ZNF619: variants seen among roughly 807,000 people sequenced by gnomAD.
ZNF619 encodes zinc finger protein 619.
Under a neutral mutation model 14.2 loss-of-function variants are expected in ZNF619, and 9 were observed. That is an observed-to-expected ratio of 0.64 (90% CI 0.38 to 1.11). The LOEUF (loss-of-function observed/expected upper bound fraction) is 1.11, where lower values mean the gene tolerates loss of function less well. Ranked by LOEUF, ZNF619 falls within the 50% of genes least tolerant of loss-of-function variation. ZNF619 has a pLI of 0.01. For synonymous variants in ZNF619, 246 were observed against 252.8 expected (o/e 0.97, Z 0.26); for missense variants, 659 against 680.1 (o/e 0.97, Z 0.34).
chr3:40,486,783 A>G (rs1697593258), intron 4 of ZNF619, 23 bp from the exon 5 acceptor site: 1 of 1,540,548 alleles, frequency 6.5e-7, no homozygotes, highest in Non-Finnish European at 8.7e-7. Flanking sequence ...AGGGACTTTT[A>G]TGTTTTCTTT....
chr3:40,477,878 G>A, intron 1 of ZNF619, 40 bp from the exon 2 acceptor site: 1 of 1,146,658 alleles, frequency 8.7e-7, no homozygotes, highest in African/African-American at 1.5e-5. Flanking sequence ...GGCAAGTGTA[G>A]GAGACGAGAC....
Position 40,482,651 on chromosome 3 carries a change from G to A in ZNF619, c.242G>A (p.Gly81Asp). 6.2e-7 allele frequency: 1 copy of A among 1,614,136 alleles called. No homozygotes were observed. The highest frequency in any genetic ancestry group is 8.5e-7 in the Non-Finnish European group (1 of 1,180,026). ...CTGGAGCAAGGAGAAGCAGCATGGG[G>A]CCCAGATCCCTGGACACTTGCTGGG... ...FQLEQGEAAW[G>D]PDPWTLAGGE... The change falls in exon 4 of 5, where the codon GGC becomes GAC. Residue 81 changes from glycine to aspartate, a missense_variant. Coordinates refer to ENST00000432264, the MANE Select transcript of ZNF619 (RefSeq NM_001145093.4).
chr3:40,481,749 G>C, intron 2 of ZNF619, 114 bp from the exon 3 acceptor site: 2 of 1,389,060 alleles, frequency 1.4e-6, no homozygotes, highest in Non-Finnish European at 1.9e-6. Flanking sequence ...CCCCTGCTGG[G>C]GTCCTGTGTG....
chr3:40,487,658 G>A lies in ZNF619; in HGVS notation c.1148G>A (p.Arg383His), dbSNP rs141095922. 37 of 1,613,716 alleles carry A rather than the reference G, an allele frequency of 2.3e-5. No homozygotes were observed. The highest frequency in any genetic ancestry group is 1.6e-4 in the Middle Eastern group (1 of 6,084). The change falls in exon 5 of 5, where the codon CGC becomes CAC. Residue 383 changes from arginine (R) to histidine (H), a missense_variant. Physicochemically the swap from Arg to His is conservative, Grantham distance 29. Coordinates refer to ENST00000432264, the MANE Select transcript of ZNF619 (RefSeq NM_001145093.4). ...AAAGAGTGTGGCAAGGCCTTCCACC[G>A]CAGTTCGGTATTTCTTCAGCACCAG... Reference protein sequence around the residue: ...ECKECGKAFHRSSVFLQHQRF... With the variant: ...ECKECGKAFHHSSVFLQHQRF...
chr3:40,487,423 C>T lies in ZNF619; in HGVS notation c.913C>T (p.Arg305Trp), dbSNP rs576609937. ...KTFSYNSKLI[R>W]HQRIHTGEKP... ...CTTCAGTTATAATTCAAAACTGATT[C>T]GGCATCAGAGAATCCATACTGGGGA... is the stretch of plus-strand genomic sequence containing the variant. The change falls in exon 5 of 5, where the codon CGG becomes TGG. Residue 305 changes from arginine (R) to tryptophan (W), a missense_variant. Physicochemically the swap from Arg to Trp is moderately radical, Grantham distance 101. Coordinates refer to ENST00000432264, the MANE Select transcript of ZNF619 (RefSeq NM_001145093.4). The T allele has an allele frequency of 2.7e-5, 44 of 1,614,184 alleles. 1 individual carries two copies. The Middle Eastern group carries it at 1.3e-3, about 48-fold the overall frequency.
intron 4 of ZNF619, chr3:40,483,738 C>G: frequency 2.5e-6 from 1 of 402,286 alleles, no homozygotes; most frequent in Non-Finnish European, 5.0e-6. Context: ...AAGCGATTCT[C>G]CTGCCTCAAC....
chr3:40,483,763 G>A (rs1031096129), intron 4 of ZNF619: 12 of 372,082 alleles, frequency 3.2e-5, no homozygotes, highest in Non-Finnish European at 5.3e-5. Context: ...CAAGTAGCTG[G>A]GATTATAGGC....
chr3:40,478,300 T>C (rs1334995717), intron 2 of ZNF619, among the ~76,000 whole-genome samples: 2 of 152,076 alleles, frequency 1.3e-5, no homozygotes, highest in Non-Finnish European at 2.9e-5. Context: ...TTAGGCAAAA[T>C]GTCAGGCCCC....
At position 40,487,557 on chromosome 3, in the gene ZNF619, T is replaced by G. The variant is rs1471169488; in HGVS notation, c.1047T>G (p.Cys349Trp). The G allele has an allele frequency of 1.2e-6, 2 of 1,614,064 alleles. No individual in the cohort carries two copies. The highest frequency in any genetic ancestry group is 1.7e-6 in the Non-Finnish European group (2 of 1,180,016). Reference sequence around the variant, plus strand: ...AGAAGCCCTATGAATGTAAGGAGTGTGGGAAGAGTTTGAGTTCTAATTCAG... The same window carrying G: ...AGAAGCCCTATGAATGTAAGGAGTGGGGGAAGAGTTTGAGTTCTAATTCAG... ...NGEKPYECKE[C>W]GKSLSSNSVL... The change falls in exon 5 of 5, where the codon TGT becomes TGG. Residue 349 changes from cysteine (C) to tryptophan (W), a missense_variant. Coordinates refer to ENST00000432264, the MANE Select transcript of ZNF619 (RefSeq NM_001145093.4).
Position 40,486,893 on chromosome 3 carries a change from G to T in ZNF619, c.383G>T (p.Gly128Val). Reference sequence around the variant, plus strand: ...GAGTCCCACAGACTGATAGTGGAGGGACTGCTGATGGACGTTCCCCAGCAC... The same window carrying T: ...GAGTCCCACAGACTGATAGTGGAGGTACTGCTGATGGACGTTCCCCAGCAC... Reference protein sequence around the residue: ...ESESHRLIVEGLLMDVPQHPD... With the variant: ...ESESHRLIVEVLLMDVPQHPD... Residue 128 changes from glycine (G) to valine (V), a missense_variant, in exon 5 of 5, where the codon GGA becomes GTA. Transcript: ENST00000432264. The T allele has an allele frequency of 6.2e-7, 1 of 1,614,178 alleles. No individual in the cohort carries two copies. Among genetic ancestry groups the T allele is most frequent in the Non-Finnish European group, 8.5e-7 (1 of 1,180,038 alleles).
At position 40,487,307 on chromosome 3, in the gene ZNF619, G is replaced by A; in HGVS notation, c.797G>A (p.Gly266Glu). Reference protein sequence around the residue: ...GEKPYSCEECGQAFSQNSHLL... With the variant: ...GEKPYSCEECEQAFSQNSHLL... ...AAACCATACTCATGTGAGGAATGTGGACAAGCCTTCAGTCAAAATTCCCAC... is the reference window on the plus strand; with the variant it reads ...AAACCATACTCATGTGAGGAATGTGAACAAGCCTTCAGTCAAAATTCCCAC... Residue 266 changes from glycine (G) to glutamate (E), a missense_variant, in exon 5 of 5, where the codon GGA (glycine) becomes GAA (glutamate). Coordinates refer to ENST00000432264, the MANE Select transcript of ZNF619 (RefSeq NM_001145093.4). 2 of 1,614,116 alleles carry A rather than the reference G, an allele frequency of 1.2e-6. No homozygotes were observed. The highest frequency in any genetic ancestry group is 1.7e-6 in the Non-Finnish European group (2 of 1,180,026).
Position 40,490,898 on chromosome 3 carries a change from G to C in ZNF619, c.*2657G>C, listed in dbSNP as rs145168066. Among the ~76,000 whole-genome samples the C allele has an allele frequency of 3.1e-3, 478 of 152,262 alleles. 3 individuals carry two copies. Among genetic ancestry groups the C allele is most frequent in the African/African-American group, 0.01 (424 of 41,552 alleles). On this transcript the variant is annotated 3_prime_UTR_variant, in exon 5 of 5. Coordinates refer to ENST00000432264, the MANE Select transcript of ZNF619 (RefSeq NM_001145093.4). Reference sequence around the variant, plus strand: ...TGGGACTGATGGCTTTATAAGAAGAGGAAGGGAGACCTGAGCTGACATGCA... The same window carrying C: ...TGGGACTGATGGCTTTATAAGAAGACGAAGGGAGACCTGAGCTGACATGCA...
rs757353039 is a variant in ZNF619 at position 40,487,852 on chromosome 3, C to T, written c.1342C>T (p.Arg448Ter). The part of the protein sequence containing the change: ...SQKITLVQHQ[R>*]VHTGEKPYEC... ...AAAGATCACTCTGGTTCAGCATCAGCGAGTTCACACTGGGGAGAAACCTTA... is the reference window on the plus strand; with the variant it reads ...AAAGATCACTCTGGTTCAGCATCAGTGAGTTCACACTGGGGAGAAACCTTA... Residue 448 changes from arginine (R) to a stop codon, truncating the protein, a stop_gained, in exon 5 of 5, where the codon CGA becomes TGA. Transcript: ENST00000432264. LOFTEE classifies it low-confidence loss of function (END_TRUNC). 34 of 1,612,560 alleles carry T rather than the reference C, an allele frequency of 2.1e-5. No homozygotes were observed. Among genetic ancestry groups the T allele is most frequent in the East Asian group, 1.8e-4 (8 of 44,774 alleles).
chr3:40,490,206 G>A lies in ZNF619; in HGVS notation c.*1965G>A, dbSNP rs1416016830. 1 of 152,188 alleles carries A rather than the reference G, an allele frequency of 6.6e-6. No homozygotes were observed. Among genetic ancestry groups the A allele is most frequent in the Non-Finnish European group, 1.5e-5 (1 of 68,052 alleles). 9.4% of individuals were successfully genotyped at this position (152,188 alleles called of 1,614,324 possible). A position where few individuals can be genotyped will look rare whatever the true frequency, so the allele number is the denominator to read the frequency against. On this transcript the variant is annotated 3_prime_UTR_variant, in exon 5 of 5. Transcript: ENST00000432264. Reference sequence around the variant, plus strand: ...TGGACTTCTTAGCCTTCAGAACTGTGAACTAAATAAACCTCTATTCTGTAT... The same window carrying A: ...TGGACTTCTTAGCCTTCAGAACTGTAAACTAAATAAACCTCTATTCTGTAT...
intron 4 of ZNF619, 51 bp downstream of exon 4, chr3:40,482,755 T>C: frequency 7.2e-7 from 1 of 1,392,046 alleles, no homozygotes; most frequent in East Asian, 2.3e-5. Context: ...TCCTCCTTTC[T>C]TTTAACAATT....
rs200267495 is a variant in ZNF619 at position 40,488,146 on chromosome 3, C to A, written c.1636C>A (p.Pro546Thr). ...LLLPSSEKAN[P>T]SPVQIAHFFQ... ...GCTTCCCTCATCTGAAAAGGCCAAC[C>A]CTTCACCTGTCCAAATAGCACATTT... Residue 546 changes from proline (P) to threonine (T), a missense_variant, in exon 5 of 5, where the codon CCT (proline) becomes ACT (threonine). Transcript: ENST00000432264. 4.3e-6 allele frequency: 7 copies of A among 1,613,996 alleles called. No homozygotes were observed. In the East Asian group the frequency reaches 1.1e-4, roughly 26 times the overall value.
chr3:40,485,332 T>C (rs1697544603), intron 4 of ZNF619, among the ~76,000 whole-genome samples: 1 of 151,376 alleles, frequency 6.6e-6, no homozygotes, highest in Non-Finnish European at 1.5e-5. Context: ...AACAGAGTCT[T>C]GGTCTATCCC....
chr3:40,479,338 T>C (rs558812151), intron 2 of ZNF619, among the ~76,000 whole-genome samples: 1 of 152,272 alleles, frequency 6.6e-6, no homozygotes, highest in South Asian at 2.1e-4. Flanking sequence ...ATTCCAATAC[T>C]AAGAAAGAAA....
At chr3:40,486,430 G>T (rs181245723) in intron 4 of ZNF619, among the ~76,000 whole-genome samples, 4 of 152,330 alleles carry the variant, frequency 2.6e-5, no homozygotes, top group Non-Finnish European at 5.9e-5. Context: ...GCTCACACCT[G>T]TAATCCCAGC....
Sources: allele counts gnomAD v4.1 joint callset (sites outside exome capture counted in the v4.1 genomes callset), GRCh38; gene constraint gnomAD v4.1.1; transcripts MANE v1.5; gene names NCBI Gene and HGNC (gene_info 2026-07-23, HGNC 2026-07-21).